Variants in ZNHIT6 observed in about 807,000 individuals in gnomAD.
ZNHIT6 encodes box C/D snoRNA protein 1.
Under a neutral mutation model 57.2 loss-of-function variants are expected in ZNHIT6, and 45 were observed. The ratio of observed to expected loss-of-function variants is 0.79; its 90% confidence interval spans 0.62 to 1.01. ZNHIT6 has a LOEUF of 1.01. Among genes scored for constraint, ZNHIT6 ranks in the 50% least tolerant of loss-of-function variants. The probability of loss-of-function intolerance (pLI) is 0.00; values close to 1 mark genes in which losing one functional copy is unlikely to be tolerated. For synonymous variants in ZNHIT6, 188 were observed against 190.0 expected, an observed-to-expected ratio of 0.99 and a Z score of 0.09; for missense variants, 528 against 567.3, an observed-to-expected ratio of 0.93 and a Z score of 0.70.
At chr1:85,680,772 GT>G in intron 6 of ZNHIT6, 63 bp downstream of exon 6, 4 of 1,279,002 alleles carry the variant, frequency 3.1e-6, no homozygotes, top group Non-Finnish European at 3.4e-6. Flanking sequence ...TAAGTTAACA[GT>G]TTATTTTAAA....
At chr1:85,655,862 A>C (rs17398848) in intron 9 of ZNHIT6, among the ~76,000 whole-genome samples, 5,190 of 152,282 alleles carry the variant, frequency 0.034, 137 homozygotes, top group Non-Finnish European at 0.047. Flanking sequence ...TGATTAATAT[A>C]GGCAGACTCA....
intron 8 of ZNHIT6, among the ~76,000 whole-genome samples, chr1:85,667,013 A>G (rs900671964): frequency 1.3e-5 from 2 of 152,212 alleles, no homozygotes; most frequent in Non-Finnish European, 2.9e-5. Context: ...TGAAAAATAA[A>G]CAACAATCCC....
At chr1:85,660,437 G>A (rs2100649225) in intron 8 of ZNHIT6, among the ~76,000 whole-genome samples, 1 of 152,120 alleles carries the variant, frequency 6.6e-6, no homozygotes, top group South Asian at 2.1e-4. Flanking sequence ...ATTTCTTTTT[G>A]TAATATTAAA....
At position 85,707,705 on chromosome 1, in the gene ZNHIT6, C is replaced by A; in HGVS notation, c.580G>T (p.Val194Leu). Reference sequence around the variant, plus strand: ...TCTTCTTTCACCTTTGTATCATCCACGATTTCTTTCTTCAGGAAATCCTTC... The same window carrying A: ...TCTTCTTTCACCTTTGTATCATCCAAGATTTCTTTCTTCAGGAAATCCTTC... The part of the protein sequence containing the change: ...EEKDFLKKEI[V>L]DDTKVKEEPP... The change falls in exon 1 of 10, where the codon GTG becomes TTG. Residue 194 changes from valine (V) to leucine (L), a missense_variant. Physicochemically the swap from Val to Leu is conservative, Grantham distance 32 (BLOSUM62 1). Transcript: ENST00000370574. The A allele has an allele frequency of 6.2e-7, 1 of 1,609,088 alleles. No homozygotes were observed. Among genetic ancestry groups the A allele is most frequent in the South Asian group, 1.1e-5 (1 of 89,960 alleles).
At chr1:85,677,108 G>T in intron 8 of ZNHIT6, 128 bp downstream of exon 8, 1 of 615,890 alleles carries the variant, frequency 1.6e-6, no homozygotes, top group Non-Finnish European at 2.6e-6. Context: ...AATTTGACTT[G>T]AAAGTTGAAA....
intron 8 of ZNHIT6, among the ~76,000 whole-genome samples, chr1:85,659,233 G>C (rs1661160127): frequency 6.6e-6 from 1 of 152,282 alleles, no homozygotes; most frequent in Non-Finnish European, 1.5e-5. Context: ...ATAAGTCTGA[G>C]GTGGCTGAAA....
At chr1:85,686,263 A>C (rs1171650985) in intron 5 of ZNHIT6, among the ~76,000 whole-genome samples, 1 of 152,060 alleles carries the variant, frequency 6.6e-6, no homozygotes, top group African/African-American at 2.4e-5. Flanking sequence ...ACCCACCCTT[A>C]ACATTCTTTT....
intron 5 of ZNHIT6, among the ~76,000 whole-genome samples, chr1:85,683,576 G>C (rs1661941041): frequency 6.6e-6 from 1 of 151,442 alleles, no homozygotes; most frequent in Non-Finnish European, 1.5e-5. Context: ...CTCTAAAATG[G>C]TTTCCAATTC....
Position 85,708,186 on chromosome 1 carries a change from T to TA in ZNHIT6, c.98dup (p.Arg34LysfsTer71), listed in dbSNP as rs746792836. On this transcript the variant is annotated frameshift_variant, in exon 1 of 10. Transcript: ENST00000370574. LOFTEE classifies it high-confidence loss of function. Reference sequence around the variant, plus strand: ...ACTCCTCCGCCCCTGCTAAGTCCCTTACTCCCTCCCTGCCAGGCTCTGGAC... The same window carrying TA: ...ACTCCTCCGCCCCTGCTAAGTCCCTTAACTCCCTCCCTGCCAGGCTCTGGAC... 1.2e-6 allele frequency: 2 copies of TA among 1,614,138 alleles called. No homozygotes were observed. The highest frequency in any genetic ancestry group is 1.7e-6 in the Non-Finnish European group (2 of 1,180,004).
chr1:85,703,534 A>G (rs1433765346), intron 4 of ZNHIT6, among the ~76,000 whole-genome samples: 1 of 152,210 alleles, frequency 6.6e-6, no homozygotes, highest in African/African-American at 2.4e-5. Flanking sequence ...ACAGAGCAAT[A>G]GGGAAAGGAT....
At chr1:85,667,548 T>C (rs1247803503) in intron 8 of ZNHIT6, among the ~76,000 whole-genome samples, 2 of 151,834 alleles carry the variant, frequency 1.3e-5, no homozygotes, top group Admixed American at 6.6e-5. Context: ...AATATTGATG[T>C]TTTAAGATGA....
rs1660951546 is a variant in ZNHIT6 at position 85,652,867 on chromosome 1, C to T, written c.*1191G>A. On this transcript the variant is annotated 3_prime_UTR_variant, in exon 10 of 10. Transcript: ENST00000370574. ...TATTGCAGTTTCACAGTGGTATAAA[C>T]TCCAATAAAATTAAGAATTTTTTTT... 1.3e-5 allele frequency: 2 copies of T among 152,158 alleles called. No individual in the cohort carries two copies. Among genetic ancestry groups the T allele is most frequent in the African/African-American group, 4.8e-5 (2 of 41,436 alleles). 9.4% of individuals were successfully genotyped at this position (152,158 alleles called of 1,614,324 possible). A position where few individuals can be genotyped will look rare whatever the true frequency, so the allele number is the denominator to read the frequency against.
intron 1 of ZNHIT6, among the ~76,000 whole-genome samples, chr1:85,707,286 T>C (rs1662710565): frequency 6.6e-6 from 1 of 152,240 alleles, no homozygotes; most frequent in South Asian, 2.1e-4. Context: ...TTAGACTTTC[T>C]CATCTCTATT....
At chr1:85,654,223 C>T (rs113720012) in intron 9 of ZNHIT6, 125 bp from the exon 10 acceptor site, 44 of 660,946 alleles carry the variant, frequency 6.7e-5, no homozygotes, top group African/African-American at 2.0e-4. Flanking sequence ...ACACAAACCG[C>T]GTCATGTCCC....
At chr1:85,658,449 C>T (rs1051850179) in intron 8 of ZNHIT6, among the ~76,000 whole-genome samples, 5 of 152,134 alleles carry the variant, frequency 3.3e-5, no homozygotes, top group Non-Finnish European at 7.3e-5. Context: ...CTAGGATGGT[C>T]TCGATCTCCT....
At chr1:85,677,439 G>C (rs1661735646) in intron 7 of ZNHIT6, 126 bp from the exon 8 acceptor site, 2 of 625,922 alleles carry the variant, frequency 3.2e-6, no homozygotes, top group South Asian at 5.2e-5. Context: ...TAGAAAAGGA[G>C]ATAAAGATGT....
intron 9 of ZNHIT6, among the ~76,000 whole-genome samples, chr1:85,656,668 T>G (rs1570279619): frequency 6.6e-6 from 1 of 152,124 alleles, no homozygotes; most frequent in Non-Finnish European, 1.5e-5. Flanking sequence ...TAATTTATTC[T>G]GAGAAAAAAA....
At chr1:85,696,515 G>C (rs1235584721) in intron 5 of ZNHIT6, among the ~76,000 whole-genome samples, 2 of 152,022 alleles carry the variant, frequency 1.3e-5, no homozygotes, top group Non-Finnish European at 1.5e-5. Flanking sequence ...TTAGGTTGGT[G>C]CCAGTTTTTA....
intron 8 of ZNHIT6, 23 bp from the exon 9 acceptor site, chr1:85,657,994 A>G (rs757100922): frequency 7.3e-7 from 1 of 1,378,360 alleles, no homozygotes; most frequent in South Asian, 1.4e-5. Flanking sequence ...AAAAAACAAA[A>G]AACCAGGAAA....
Sources: gnomAD v4.1 joint callset for allele counts (sites outside exome capture counted in the v4.1 genomes callset) on GRCh38, gnomAD v4.1.1 for gene constraint, MANE v1.5 for transcripts, NCBI Gene and HGNC (gene_info 2026-07-23, HGNC 2026-07-21) for gene names.